The following SFMBT1 variants were observed in gnomAD, a reference collection of about 807,000 sequenced individuals.
SFMBT1 encodes Scm like with four mbt domains 1.
In SFMBT1, 32 loss-of-function variants were observed where a neutral mutation model predicts 108.7. The observed-to-expected ratio is 0.29, with a 90% CI of 0.22 to 0.40. The LOEUF (loss-of-function observed/expected upper bound fraction) is 0.40. SFMBT1 is among the 10% of genes least tolerant of loss of function. The pLI is 1.00. For synonymous variants in SFMBT1, 348 were observed against 369.5 expected (o/e 0.94, Z 0.67); for missense variants, 816 against 1,059.6 (o/e 0.77, Z 3.19).
Position 52,997,017 on chromosome 3 carries a change from C to T in SFMBT1, c.-130-27759G>A, listed in dbSNP as rs372690237. 2.7e-4 allele frequency among the ~76,000 whole-genome samples: 40 copies of T among 149,146 alleles called. 1 individual carries two copies. The highest frequency in any genetic ancestry group is 9.5e-4 in the African/African-American group (39 of 41,032). ...CTGGGAGGCGGAGCCTGCAGTGAGC[C>T]GAGATCGCACCACTGCACTCCAGCC... is the stretch of plus-strand genomic sequence containing the variant. On this transcript the variant is annotated intron_variant, in intron 1 of 20. Transcript: ENST00000394752.
intron 1 of SFMBT1, among the ~76,000 whole-genome samples, chr3:52,983,744 G>A (rs1263556912): frequency 6.6e-6 from 1 of 152,220 alleles, no homozygotes; most frequent in African/African-American, 2.4e-5. Context: ...TGAGGCCACA[G>A]TGGTTGGAAC....
chr3:52,916,554 A>AG (rs1702362542), intron 13 of SFMBT1, among the ~76,000 whole-genome samples: 1 of 151,830 alleles, frequency 6.6e-6, no homozygotes, highest in Non-Finnish European at 1.5e-5. Context: ...CTGTAGTCCC[A>AG]GCTACTAAGG....
intron 1 of SFMBT1, among the ~76,000 whole-genome samples, chr3:53,000,004 A>G (rs966969864): frequency 6.7e-6 from 1 of 150,008 alleles, no homozygotes; most frequent in Non-Finnish European, 1.5e-5. Flanking sequence ...GACTACAGGC[A>G]TGTGCCACCA....
chr3:52,952,273 G>A (rs1703622224), intron 3 of SFMBT1, among the ~76,000 whole-genome samples: 1 of 152,192 alleles, frequency 6.6e-6, no homozygotes, highest in Non-Finnish European at 1.5e-5. Context: ...CAGGAGAATG[G>A]CAGGACTCTT....
chr3:53,003,759 C>CAAAAAAAAA (rs370165165), intron 1 of SFMBT1, among the ~76,000 whole-genome samples: 2 of 81,946 alleles, frequency 2.4e-5, no homozygotes, highest in Non-Finnish European at 2.4e-5. Context: ...ATAGAAAGGT[C>CAAAAAAAAA]AAAAAAAAAA....
At position 52,935,802 on chromosome 3, in the gene SFMBT1, ATTTCT is replaced by A. The variant is rs1031339963; in HGVS notation, c.365-906_365-902del. Among the ~76,000 whole-genome samples, 112 of 152,192 alleles carry A rather than the reference ATTTCT, an allele frequency of 7.4e-4. 1 individual carries two copies. The highest frequency in any genetic ancestry group is 2.6e-3 in the African/African-American group (108 of 41,526). On this transcript the variant is annotated intron_variant, in intron 4 of 20. Coordinates refer to ENST00000394752, the MANE Select transcript of SFMBT1 (RefSeq NM_016329.4). Reference sequence around the variant, plus strand: ...CGCACGCATTGCAAATGTCTCCTTGATTTCTTTTCATCAGTAGGTTTCTTCTCCTT... The same window carrying A: ...CGCACGCATTGCAAATGTCTCCTTGATTTCATCAGTAGGTTTCTTCTCCTT...
In SFMBT1 at chr3:52,968,889, G is replaced by A. The variant is rs566058971; in HGVS notation, c.28+212C>T. Among the ~76,000 whole-genome samples the A allele has an allele frequency of 2.0e-3, 306 of 152,172 alleles. 3 individuals carry two copies. Among genetic ancestry groups the A allele is most frequent in the African/African-American group, 7.2e-3 (299 of 41,488 alleles). ...ATTACAGGTATGAGCCACCGCGCCCGGCCTTGTTCATAACAGTTTCTTATT... is the reference window on the plus strand; with the variant it reads ...ATTACAGGTATGAGCCACCGCGCCCAGCCTTGTTCATAACAGTTTCTTATT... On this transcript the variant is annotated intron_variant, in intron 2 of 20. Transcript: ENST00000394752.
chr3:52,988,170 G>A (rs1287922175), intron 1 of SFMBT1, among the ~76,000 whole-genome samples: 2 of 152,230 alleles, frequency 1.3e-5, no homozygotes, highest in African/African-American at 2.4e-5. Flanking sequence ...GATTATAAGA[G>A]AGGATGCTCT....
intron 14 of SFMBT1, among the ~76,000 whole-genome samples, 171 bp downstream of exon 14, chr3:52,915,979 G>T (rs558605667): frequency 4.6e-5 from 7 of 152,176 alleles, no homozygotes; most frequent in Non-Finnish European, 8.8e-5. Flanking sequence ...GCCTAGAGAT[G>T]ATTATTAAAC....
chr3:52,983,586 G>A (rs1704799930), intron 1 of SFMBT1, among the ~76,000 whole-genome samples: 1 of 152,168 alleles, frequency 6.6e-6, no homozygotes, highest in Non-Finnish European at 1.5e-5. Context: ...ACTTTTAACA[G>A]AGTGATCAAA....
At chr3:52,931,156 G>C in intron 6 of SFMBT1, 121 bp from the exon 7 acceptor site, 1 of 816,992 alleles carries the variant, frequency 1.2e-6, no homozygotes, top group Non-Finnish European at 2.0e-6. Flanking sequence ...AAGGGTTCAA[G>C]CCCACTTATA....
chr3:53,028,733 G>A (rs1488487901), intron 1 of SFMBT1, among the ~76,000 whole-genome samples: 1 of 152,094 alleles, frequency 6.6e-6, no homozygotes, highest in Admixed American at 6.6e-5. Flanking sequence ...CAGAAAGAAG[G>A]CCATAGCAGA....
chr3:52,996,206 C>CTTTTT lies in SFMBT1; in HGVS notation c.-130-26953_-130-26949dup, dbSNP rs35167235. ...AAAAAGCTCTTAAAAATAAACAATC[C>CTTTTT]TTTTTTTTTTTTTTTTTTTTTTTGA... On this transcript the variant is annotated intron_variant, in intron 1 of 20. Coordinates refer to ENST00000394752, the MANE Select transcript of SFMBT1 (RefSeq NM_016329.4). Among the ~76,000 whole-genome samples, 38 of 88,124 alleles carry CTTTTT rather than the reference C, an allele frequency of 4.3e-4. 1 individual carries two copies. The highest frequency in any genetic ancestry group is 3.0e-3 in the South Asian group (9 of 3,046). The allele number at this position is 88,124 out of a possible 152,430, so 57.8% of individuals were successfully genotyped here.
At chr3:53,040,232 T>C (rs1306649945) in intron 1 of SFMBT1, among the ~76,000 whole-genome samples, 3 of 152,186 alleles carry the variant, frequency 2.0e-5, no homozygotes, top group Non-Finnish European at 2.9e-5. Flanking sequence ...TATTCCATAG[T>C]AGCCACCTCA....
rs542553088 is a variant in SFMBT1 at position 53,029,417 on chromosome 3, C to T, written c.-131+16399G>A. On this transcript the variant is annotated intron_variant, in intron 1 of 20. Coordinates refer to ENST00000394752, the MANE Select transcript of SFMBT1 (RefSeq NM_016329.4). Reference sequence around the variant, plus strand: ...TATACAACACTGTAAGATTCAACTACAGAATGCTTCAAGATTCCAAACTCA... The same window carrying T: ...TATACAACACTGTAAGATTCAACTATAGAATGCTTCAAGATTCCAAACTCA... Among the ~76,000 whole-genome samples the T allele has an allele frequency of 4.7e-4, 71 of 152,270 alleles. 2 individuals carry two copies. In the South Asian group the frequency reaches 0.015, roughly 31 times the overall value.
At chr3:52,949,984 C>G in intron 3 of SFMBT1, among the ~76,000 whole-genome samples, 2 of 152,044 alleles carry the variant, frequency 1.3e-5, no homozygotes, top group Non-Finnish European at 2.9e-5. Context: ...CTATATGTCT[C>G]TTTATATTTA....
intron 20 of SFMBT1, 46 bp from the exon 21 acceptor site, chr3:52,905,322 G>C: frequency 6.3e-7 from 1 of 1,586,242 alleles, no homozygotes; most frequent in South Asian, 1.2e-5. Context: ...GCACATGAAA[G>C]GCAGCTTGAT....
At chr3:53,045,586 GGCCGCGCGCGGGC>G (rs1458360866) in intron 1 of SFMBT1, among the ~76,000 whole-genome samples, 8 of 141,954 alleles carry the variant, frequency 5.6e-5, no homozygotes, top group Non-Finnish European at 9.4e-5. Flanking sequence ...GGGACCGCGG[GGCCGCGCGCGGGC>G]GCCGCGCTCC....
chr3:53,015,275 G>A (rs1699087852), intron 1 of SFMBT1, among the ~76,000 whole-genome samples: 1 of 132,708 alleles, frequency 7.5e-6, no homozygotes, highest in South Asian at 2.6e-4. Context: ...CTACAAGAAT[G>A]GTTATCATAA....
Sources: gnomAD v4.1 joint callset for allele counts (sites outside exome capture counted in the v4.1 genomes callset) on GRCh38, gnomAD v4.1.1 for gene constraint, MANE v1.5 for transcripts, NCBI Gene and HGNC (gene_info 2026-07-23, HGNC 2026-07-21) for gene names.